The following TMEM135 variants were observed in gnomAD, a reference collection of about 807,000 sequenced individuals.
The protein encoded by TMEM135 is transmembrane protein 135.
TMEM135 carries 30 observed loss-of-function variants against 60.3 expected under a neutral mutation model. The ratio of observed to expected loss-of-function variants is 0.50; its 90% CI spans 0.37 to 0.68. The LOEUF is 0.68. Ranked by LOEUF, TMEM135 falls within the 30% of genes least tolerant of loss-of-function variation. The pLI is 0.00. For synonymous variants in TMEM135, 190 were observed against 186.7 expected, an observed-to-expected ratio of 1.02 and a Z score of -0.14; for missense variants, 468 against 548.8, an observed-to-expected ratio of 0.85 and a Z score of 1.47.
chr11:87,285,688 T>C (rs1204136380), intron 6 of TMEM135, among the ~76,000 whole-genome samples: 1 of 152,162 alleles, frequency 6.6e-6, no homozygotes, highest in African/African-American at 2.4e-5. Flanking sequence ...GCAAGAGGTA[T>C]TGCAAAGAGC....
At chr11:87,227,096 G>T (rs1940782011) in intron 5 of TMEM135, among the ~76,000 whole-genome samples, 1 of 151,980 alleles carries the variant, frequency 6.6e-6, no homozygotes, top group Admixed American at 6.6e-5. Context: ...AATAGTGCAA[G>T]TAAGAGTCTA....
chr11:87,300,090 T>C (rs1942416773), intron 7 of TMEM135, among the ~76,000 whole-genome samples: 1 of 152,142 alleles, frequency 6.6e-6, no homozygotes, highest in Admixed American at 6.5e-5. Flanking sequence ...AATAGTTCAT[T>C]TAATTGTAAT....
At chr11:87,224,004 T>C (rs571207831) in intron 5 of TMEM135, among the ~76,000 whole-genome samples, 1 of 152,258 alleles carries the variant, frequency 6.6e-6, no homozygotes, top group East Asian at 1.9e-4. Context: ...CCATGCCTAA[T>C]TAAGGAAAGA....
intron 1 of TMEM135, among the ~76,000 whole-genome samples, chr11:87,062,827 T>C (rs1949963570): frequency 6.6e-6 from 1 of 152,162 alleles, no homozygotes; most frequent in Non-Finnish European, 1.5e-5. Flanking sequence ...GTTATTTAAT[T>C]TAACCTCTTT....
At chr11:87,176,949 G>C (rs1283960792) in intron 5 of TMEM135, among the ~76,000 whole-genome samples, 1 of 152,182 alleles carries the variant, frequency 6.6e-6, no homozygotes, top group Non-Finnish European at 1.5e-5. Flanking sequence ...TGTTTAAAGT[G>C]TCCCATTAGC....
At chr11:87,106,029 A>T (rs562512534) in intron 4 of TMEM135, among the ~76,000 whole-genome samples, 1 of 151,858 alleles carries the variant, frequency 6.6e-6, no homozygotes, top group African/African-American at 2.4e-5. Context: ...TGTGATGTTT[A>T]TCTTTTGTGC....
At chr11:87,183,650 A>C (rs976344226) in intron 5 of TMEM135, among the ~76,000 whole-genome samples, 1 of 151,966 alleles carries the variant, frequency 6.6e-6, no homozygotes, top group Admixed American at 6.6e-5. Context: ...CTTACTTTCT[A>C]TATGCTATGT....
intron 3 of TMEM135, among the ~76,000 whole-genome samples, chr11:87,082,819 T>G (rs1857019422): frequency 6.6e-6 from 1 of 152,210 alleles, no homozygotes; most frequent in Non-Finnish European, 1.5e-5. Context: ...CAGTTTCTTT[T>G]TAAAAAATAG....
At chr11:87,169,045 C>T (rs1171454328) in intron 5 of TMEM135, among the ~76,000 whole-genome samples, 1 of 151,888 alleles carries the variant, frequency 6.6e-6, no homozygotes, top group Non-Finnish European at 1.5e-5. Flanking sequence ...ATCCCTTTGC[C>T]ATTATGTAAT....
chr11:87,210,431 T>G (rs115937358), intron 5 of TMEM135, among the ~76,000 whole-genome samples: 1 of 152,106 alleles, frequency 6.6e-6, no homozygotes, highest in Non-Finnish European at 1.5e-5. Context: ...GAATAAATTC[T>G]TGGAAACACA....
chr11:87,321,881 G>T lies in TMEM135; in HGVS notation c.*548G>T, dbSNP rs1323038621. The stretch of plus-strand genomic sequence containing the variant: ...GTAGAGCAATTTAATTGGAGAAGTG[G>T]CCATTCTTACTTCAGGGATGCAAAG... On this transcript the variant is annotated 3_prime_UTR_variant, in exon 15 of 15. Transcript: ENST00000305494. 2.2e-6 allele frequency: 1 copy of T among 454,290 alleles called. No individual in the cohort carries two copies. The highest frequency in any genetic ancestry group is 7.0e-5 in the East Asian group (1 of 14,382). 28.1% of individuals were successfully genotyped at this position (454,290 alleles called of 1,614,324 possible).
At chr11:87,068,216 A>C (rs1356397132) in intron 2 of TMEM135, among the ~76,000 whole-genome samples, 1 of 152,122 alleles carries the variant, frequency 6.6e-6, no homozygotes, top group East Asian at 1.9e-4. Flanking sequence ...TAACATACAC[A>C]TTTTTATTTG....
chr11:87,093,405 G>A (rs547727601), intron 4 of TMEM135, among the ~76,000 whole-genome samples: 1 of 152,104 alleles, frequency 6.6e-6, no homozygotes, highest in Admixed American at 6.5e-5. Context: ...TTTTTGTAGA[G>A]ATGGGATGTT....
chr11:87,042,819 C>T (rs765992723), intron 1 of TMEM135, among the ~76,000 whole-genome samples: 95 of 152,004 alleles, frequency 6.2e-4, no homozygotes, highest in Non-Finnish European at 1.2e-3. Context: ...ACTGTTTAGT[C>T]GGTATTCATC....
chr11:87,223,663 GCACGCA>G (rs150523266), intron 5 of TMEM135, among the ~76,000 whole-genome samples: 10,740 of 130,862 alleles, frequency 0.082, 438 homozygotes, highest in South Asian at 0.12. Context: ...ATACGCACAT[GCACGCA>G]CACACACACA....
At chr11:87,245,065 G>A (rs528138130) in intron 6 of TMEM135, among the ~76,000 whole-genome samples, 2 of 137,368 alleles carry the variant, frequency 1.5e-5, no homozygotes, top group Non-Finnish European at 3.2e-5. Context: ...TGTTCTCCTT[G>A]GTTTCAAAGA....
rs915050748 is a variant in TMEM135, at chr11:87,162,907, G to A, written c.462+5501G>A. On this transcript the variant is annotated intron_variant, in intron 5 of 14. Coordinates refer to ENST00000305494, the MANE Select transcript of TMEM135 (RefSeq NM_022918.4). ...GTTGTTTCCTGACTTTTTAATGATC[G>A]CCATTCTAACTGGCGTAAGATGGTA... 5.9e-5 allele frequency among the ~76,000 whole-genome samples: 9 copies of A among 151,876 alleles called. No homozygotes were observed. The East Asian group carries it at 1.5e-3, about 26-fold the overall frequency.
At chr11:87,110,278 G>C (rs1432686591) in intron 4 of TMEM135, among the ~76,000 whole-genome samples, 2 of 152,068 alleles carry the variant, frequency 1.3e-5, no homozygotes, top group Non-Finnish European at 2.9e-5. Flanking sequence ...AAGAACACTA[G>C]CTCTAGAGTT....
intron 6 of TMEM135, chr11:87,258,826 A>G: frequency 1.5e-6 from 1 of 665,604 alleles, no homozygotes; most frequent in Non-Finnish European, 2.7e-6. Context: ...CCACGGAGAC[A>G]GCTCATATAC....
Sources: allele counts gnomAD v4.1 joint callset (sites outside exome capture counted in the v4.1 genomes callset), GRCh38; gene constraint gnomAD v4.1.1; transcripts MANE v1.5; gene names NCBI Gene and HGNC (gene_info 2026-07-23, HGNC 2026-07-21).